Variants in PTPRG observed in about 807,000 individuals in gnomAD.
The protein encoded by PTPRG is receptor-type tyrosine-protein phosphatase gamma.
Under a neutral mutation model 165.3 loss-of-function variants are expected in PTPRG, and 102 were observed. The ratio of observed to expected loss-of-function variants is 0.62; its 90% confidence interval spans 0.53 to 0.73. The LOEUF (loss-of-function observed/expected upper bound fraction) is 0.73. Ranked by LOEUF, PTPRG falls within the 30% of genes least tolerant of loss-of-function variation. The pLI is 0.00. For missense variants in PTPRG, 1,866 were observed against 1,861.4 expected (o/e 1.00, Z -0.05); for synonymous variants, 675 against 669.5 (o/e 1.01, Z -0.13).
At chr3:61,856,878 CAG>C (rs1207702499) in intron 2 of PTPRG, among the ~76,000 whole-genome samples, 4 of 152,302 alleles carry the variant, frequency 2.6e-5, no homozygotes, top group African/African-American at 7.2e-5. Flanking sequence ...CACTGAACCT[CAG>C]AGGGTAAACC....
chr3:62,183,779 A>ATTGTCAT (rs1705757504), intron 8 of PTPRG, among the ~76,000 whole-genome samples: 1 of 152,144 alleles, frequency 6.6e-6, no homozygotes, highest in South Asian at 2.1e-4. Flanking sequence ...GAGACCCCAC[A>ATTGTCAT]TTGTCATTTG....
chr3:62,231,524 G>T (rs1700901663), intron 14 of PTPRG, among the ~76,000 whole-genome samples: 1 of 152,116 alleles, frequency 6.6e-6, no homozygotes, highest in Non-Finnish European at 1.5e-5. Context: ...GTGTGTGCTT[G>T]CTTTGCTTTA....
rs147122905 is a variant in PTPRG, at chr3:61,581,225, C to T, written c.85+18853C>T. ...CTGGAGGAGGCGTTGTAAATCTAGTCGTTAATTCCCCCAGAGAAAGTTGCC... is the reference window on the plus strand; with the variant it reads ...CTGGAGGAGGCGTTGTAAATCTAGTTGTTAATTCCCCCAGAGAAAGTTGCC... On this transcript the variant is annotated intron_variant, in intron 1 of 29. Transcript: ENST00000474889. Among the ~76,000 whole-genome samples the T allele has an allele frequency of 6.1e-3, 933 of 152,296 alleles. 6 individuals carry two copies. Among genetic ancestry groups the T allele is most frequent in the South Asian group, 0.032 (154 of 4,826 alleles).
chr3:62,073,842 G>C (rs1371420287), intron 4 of PTPRG, among the ~76,000 whole-genome samples: 1 of 152,132 alleles, frequency 6.6e-6, no homozygotes, highest in Non-Finnish European at 1.5e-5. Flanking sequence ...AGTAAAGAAA[G>C]AGGCTCAGTA....
At chr3:62,178,533 G>T (rs1461945839) in intron 8 of PTPRG, among the ~76,000 whole-genome samples, 2 of 152,150 alleles carry the variant, frequency 1.3e-5, no homozygotes. Flanking sequence ...GGATGGAAGC[G>T]TACATTTCAA....
At chr3:61,843,824 T>TAA (rs555463428) in intron 2 of PTPRG, among the ~76,000 whole-genome samples, 384 of 144,456 alleles carry the variant, frequency 2.7e-3, no homozygotes, top group African/African-American at 9.2e-3. Context: ...GACATTTCTT[T>TAA]AAAAAAAAAA....
At chr3:61,844,744 C>G (rs1359124949) in intron 2 of PTPRG, among the ~76,000 whole-genome samples, 1 of 151,760 alleles carries the variant, frequency 6.6e-6, no homozygotes, top group Non-Finnish European at 1.5e-5. Flanking sequence ...CTCAAGCAGT[C>G]CTACCGCCTT....
At chr3:61,746,205 C>G (rs1414880370) in intron 1 of PTPRG, among the ~76,000 whole-genome samples, 1 of 111,412 alleles carries the variant, frequency 9.0e-6, no homozygotes, top group South Asian at 3.3e-4. Flanking sequence ...ACCACACACT[C>G]TAATTTTTTT....
chr3:62,193,635 T>C (rs1347624146), intron 9 of PTPRG, among the ~76,000 whole-genome samples: 1 of 152,220 alleles, frequency 6.6e-6, no homozygotes, highest in Non-Finnish European at 1.5e-5. Context: ...GCAGGTGTTA[T>C]TGCCCGCCTT....
chr3:62,093,517 G>T (rs1465267144), intron 5 of PTPRG, among the ~76,000 whole-genome samples: 1 of 152,192 alleles, frequency 6.6e-6, no homozygotes, highest in Non-Finnish European at 1.5e-5. Context: ...CCACCTCATT[G>T]GCACCAAAAG....
chr3:61,637,796 G>A (rs560900868), intron 1 of PTPRG, among the ~76,000 whole-genome samples: 1 of 152,266 alleles, frequency 6.6e-6, no homozygotes, highest in South Asian at 2.1e-4. Flanking sequence ...TTTAAACTCT[G>A]CTGCCCAGGA....
At position 62,167,579 on chromosome 3, in the gene PTPRG, T is replaced by G. The variant is rs536336930; in HGVS notation, c.841-392T>G. ...AGTGGGTAGGCGATGGAGTTAGTAT[T>G]CATACCCAGGCAGTCTGGCTCCGGG... On this transcript the variant is annotated intron_variant, in intron 7 of 29. Transcript: ENST00000474889. Among the ~76,000 whole-genome samples, 14 of 152,316 alleles carry G rather than the reference T, an allele frequency of 9.2e-5. No individual in the cohort carries two copies. The South Asian group carries it at 1.7e-3, about 18-fold the overall frequency.
rs1032207012 is a variant in PTPRG at position 62,222,526 on chromosome 3, C to T, written c.2288+3543C>T. On this transcript the variant is annotated intron_variant, in intron 13 of 29. Coordinates refer to ENST00000474889, the MANE Select transcript of PTPRG (RefSeq NM_002841.4). The surrounding 1 kb of genome is among the most constrained non-coding windows in gnomAD (Gnocchi z 4.5). ...CTGTCATTTGTCCATACCCCGGAGT[C>T]GTCTGGTGGCCAAAAGGATGGAACA... Among the ~76,000 whole-genome samples, 2 of 152,186 alleles carry T rather than the reference C, an allele frequency of 1.3e-5. No individual in the cohort carries two copies. The highest frequency in any genetic ancestry group is 2.9e-5 in the Non-Finnish European group (2 of 68,046).
At position 62,224,222 on chromosome 3, in the gene PTPRG, T is replaced by C. The variant is rs1700712404; in HGVS notation, c.2288+5239T>C. On this transcript the variant is annotated intron_variant, in intron 13 of 29. Coordinates refer to ENST00000474889, the MANE Select transcript of PTPRG (RefSeq NM_002841.4). The surrounding 1 kb of genome is among the most constrained non-coding windows in gnomAD (Gnocchi z 4.9). ...AAGCCCAGTGGCCAGCCTCATTAAT[T>C]CCAGGTTGGCTGTATTAGAGTAAGC... Among the ~76,000 whole-genome samples the C allele has an allele frequency of 6.6e-6, 1 of 152,166 alleles. No homozygotes were observed. Among genetic ancestry groups the C allele is most frequent in the Admixed American group, 6.5e-5 (1 of 15,280 alleles).
chr3:61,592,629 T>TTTTCTTTC (rs572514416), intron 1 of PTPRG, among the ~76,000 whole-genome samples: 1 of 147,314 alleles, frequency 6.8e-6, no homozygotes, highest in African/African-American at 2.6e-5. Flanking sequence ...TTCTCTCTCT[T>TTTTCTTTC]TTTCTTTCTT....
At chr3:61,658,739 A>G (rs764984933) in intron 1 of PTPRG, among the ~76,000 whole-genome samples, 2 of 152,188 alleles carry the variant, frequency 1.3e-5, no homozygotes, top group Non-Finnish European at 2.9e-5. Flanking sequence ...TACTAGGTGA[A>G]GTATTTATAG....
At chr3:61,912,201 A>T (rs1259583384) in intron 2 of PTPRG, among the ~76,000 whole-genome samples, 2 of 152,100 alleles carry the variant, frequency 1.3e-5, no homozygotes, top group African/African-American at 2.4e-5. Context: ...TCAGCTTTAG[A>T]AATACCCCTT....
rs541632544 is a variant in PTPRG, at chr3:61,733,272, A to T, written c.86-15606A>T. 4.6e-5 allele frequency among the ~76,000 whole-genome samples: 7 copies of T among 152,206 alleles called. No homozygotes were observed. In the East Asian group the frequency reaches 1.2e-3, roughly 25 times the overall value. On this transcript the variant is annotated intron_variant, in intron 1 of 29. Coordinates refer to ENST00000474889, the MANE Select transcript of PTPRG (RefSeq NM_002841.4). ...TTTGTGAAATAACTAAATCTTCATGATTCATTTCTATGTTGTAGCCCCTCA... is the reference window on the plus strand; with the variant it reads ...TTTGTGAAATAACTAAATCTTCATGTTTCATTTCTATGTTGTAGCCCCTCA...
chr3:61,623,512 C>G (rs12635782), intron 1 of PTPRG, among the ~76,000 whole-genome samples: 1 of 152,006 alleles, frequency 6.6e-6, no homozygotes, highest in East Asian at 1.9e-4. Context: ...AAGAGGCTCC[C>G]GACTCTCACC....
Sources: allele counts gnomAD v4.1 joint callset (sites outside exome capture counted in the v4.1 genomes callset), GRCh38; gene constraint gnomAD v4.1.1; non-coding constraint Gnocchi (gnomAD v3.1); transcripts MANE v1.5; gene names NCBI Gene and HGNC (gene_info 2026-07-23, HGNC 2026-07-21).